RFFL: variants seen among roughly 807,000 people sequenced by gnomAD.
RFFL encodes the protein ring finger and FYVE like domain containing E3 ubiquitin protein ligase.
RFFL carries 16 observed loss-of-function variants against 40.4 expected under a neutral mutation model. The ratio of observed to expected loss-of-function variants is 0.40; its 90% CI spans 0.27 to 0.60. The LOEUF is 0.60. Ranked by LOEUF, RFFL falls within the 20% of genes least tolerant of loss-of-function variation. The pLI is 0.47. For missense variants in RFFL, 367 were observed against 451.7 expected (o/e 0.81, Z 1.70); for synonymous variants, 154 against 167.9 (o/e 0.92, Z 0.64).
chr17:35,011,724 T>G lies in RFFL; in HGVS notation c.*244A>C. 2.0e-6 allele frequency: 1 copy of G among 495,548 alleles called. No homozygotes were observed. Among genetic ancestry groups the G allele is most frequent in the Non-Finnish European group, 3.7e-6 (1 of 273,362 alleles). 30.7% of individuals were successfully genotyped at this position (495,548 alleles called of 1,614,324 possible). A position where few individuals can be genotyped will look rare whatever the true frequency, so the allele number is the denominator to read the frequency against. On this transcript the variant is annotated 3_prime_UTR_variant, in exon 7 of 7. Coordinates refer to ENST00000394597, the MANE Select transcript of RFFL (RefSeq NM_001017368.2). ...ATCAGTTACCATCATCACTCCAAGA[T>G]CACTGAACCAAGAACATACCCATGT...
rs769540674 is a variant in RFFL at position 35,021,588 on chromosome 17, T to A, written c.374A>T (p.Glu125Val). 1.9e-6 allele frequency: 3 copies of A among 1,614,216 alleles called. No individual in the cohort carries two copies. The highest frequency in any genetic ancestry group is 1.7e-6 in the Non-Finnish European group (2 of 1,180,038). The change falls in exon 3 of 7, where the codon GAG becomes GTG. Residue 125 changes from glutamate (E) to valine (V), a missense_variant. Transcript: ENST00000394597. ...LHDISTEMCR[E>V]KEELVLLVLG... ...GACCAAGAGCACCAGCTCTTCTTTC[T>A]CCCGGCACATTTCGGTAGAGATGTC...
In RFFL at chr17:35,014,730, A is replaced by G; in HGVS notation, c.910+10T>C. On this transcript the variant is annotated intron_variant, in intron 6 of 6. Transcript: ENST00000394597. ...CCTAAGCCCATTCCCAAACAGAAACAACTACATACCGTTTTGGTCTTCGGC... is the reference window on the plus strand; with the variant it reads ...CCTAAGCCCATTCCCAAACAGAAACGACTACATACCGTTTTGGTCTTCGGC... 6.2e-7 allele frequency: 1 copy of G among 1,613,118 alleles called. No homozygotes were observed. Among genetic ancestry groups the G allele is most frequent in the South Asian group, 1.1e-5 (1 of 91,074 alleles).
rs979186825 is a variant in RFFL at position 35,086,837 on chromosome 17, T to A, written c.-9+2268A>T. Among the ~76,000 whole-genome samples the A allele has an allele frequency of 2.0e-5, 3 of 152,194 alleles. No homozygotes were observed. In the South Asian group the frequency reaches 6.2e-4, roughly 31 times the overall value. On this transcript the variant is annotated intron_variant, in intron 1 of 6. Coordinates refer to the RFFL transcript ENST00000315249. ...AACCATGGCAGTATTAAAGGTTCTA[T>A]GACAAGAATAAAAAATCAAGGTGGA...
intron 1 of RFFL, among the ~76,000 whole-genome samples, chr17:35,046,848 G>A (rs1359775365): frequency 6.6e-6 from 1 of 152,196 alleles, no homozygotes; most frequent in Non-Finnish European, 1.5e-5. Flanking sequence ...TGGAGTTTAG[G>A]AGAGATGACA....
chr17:35,053,035 C>T (rs1038611892), intron 1 of RFFL, among the ~76,000 whole-genome samples: 1 of 152,098 alleles, frequency 6.6e-6, no homozygotes, highest in African/African-American at 2.4e-5. Flanking sequence ...GCTAGTGATC[C>T]AGAGAGCCAT....
At chr17:35,016,208 A>G (rs976929539) in intron 5 of RFFL, among the ~76,000 whole-genome samples, 162 bp downstream of exon 5, 1 of 152,182 alleles carries the variant, frequency 6.6e-6, no homozygotes, top group Non-Finnish European at 1.5e-5. Context: ...TAGTTTTGAC[A>G]CTCAACCACA....
At chr17:35,036,155 C>T (rs776001702) in intron 1 of RFFL, among the ~76,000 whole-genome samples, 33 of 152,266 alleles carry the variant, frequency 2.2e-4, no homozygotes, top group East Asian at 1.5e-3. Flanking sequence ...TAACTAACAA[C>T]GCTATATAAG....
Position 35,009,259 on chromosome 17 carries a change from T to C in RFFL, c.*2709A>G, listed in dbSNP as rs2090919055. 1 of 152,740 alleles carries C rather than the reference T, an allele frequency of 6.5e-6. No homozygotes were observed. The highest frequency in any genetic ancestry group is 6.5e-5 in the Admixed American group (1 of 15,304). The allele number at this position is 152,740 out of a possible 1,614,324, so 9.5% of individuals were successfully genotyped here. A position where few individuals can be genotyped will look rare whatever the true frequency, so the allele number is the denominator to read the frequency against. ...AGTAACAATTCACATCCAAGAGATT[T>C]CCACAAATTTATACAATGTATATTG... is the stretch of plus-strand genomic sequence containing the variant. On this transcript the variant is annotated 3_prime_UTR_variant, in exon 7 of 7. Transcript: ENST00000394597.
intron 1 of RFFL, among the ~76,000 whole-genome samples, chr17:35,050,020 T>G (rs1176590002): frequency 6.6e-6 from 1 of 150,414 alleles, no homozygotes; most frequent in Non-Finnish European, 1.5e-5. Flanking sequence ...AGGCAGAGGT[T>G]GCAGAGAGCT....
At chr17:35,036,228 A>C (rs1056118105) in intron 1 of RFFL, 1 of 152,196 alleles carries the variant, frequency 6.6e-6, no homozygotes, top group Non-Finnish European at 1.5e-5. Context: ...ATATACATAC[A>C]TGGCATTTGA....
chr17:35,026,310 C>T, intron 2 of RFFL, 64 bp downstream of exon 2: 1 of 1,517,368 alleles, frequency 6.6e-7, no homozygotes, highest in East Asian at 2.3e-5. Flanking sequence ...TCAGAGGGGT[C>T]AGTGGCGCTT....
chr17:35,039,642 T>G (rs2091149736), intron 1 of RFFL, among the ~76,000 whole-genome samples: 1 of 151,900 alleles, frequency 6.6e-6, no homozygotes, highest in South Asian at 2.1e-4. Context: ...TCTTTTTCTG[T>G]GATCTCCTCT....
At chr17:35,022,939 G>C (rs746126605) in intron 2 of RFFL, among the ~76,000 whole-genome samples, 1 of 152,194 alleles carries the variant, frequency 6.6e-6, no homozygotes, top group African/African-American at 2.4e-5. Flanking sequence ...TCTGGCAGTC[G>C]CTGACAACAC....
intron 1 of RFFL, among the ~76,000 whole-genome samples, chr17:35,042,823 CAAAAAAAAAAAA>C (rs11296826): frequency 8.3e-5 from 5 of 60,476 alleles, no homozygotes; most frequent in East Asian, 5.1e-4. Context: ...GACTCCATCT[CAAAAAAAAAAAA>C]AAAAAAAAAG....
At chr17:35,065,468 A>G (rs2091315648), upstream of RFFL, among the ~76,000 whole-genome samples, 1 of 151,736 alleles carries the variant, frequency 6.6e-6, no homozygotes, top group South Asian at 2.1e-4. Flanking sequence ...AGGCAGGAGA[A>G]TCGCTTGAAC....
chr17:35,037,671 T>C (rs2091132288), intron 1 of RFFL, among the ~76,000 whole-genome samples: 1 of 152,208 alleles, frequency 6.6e-6, no homozygotes, highest in Non-Finnish European at 1.5e-5. Flanking sequence ...GTTAAGTAAC[T>C]TGTTAAAGGT....
At chr17:35,075,732 T>C (rs2091372182) in intron 1 of RFFL, among the ~76,000 whole-genome samples, 2 of 152,194 alleles carry the variant, frequency 1.3e-5, no homozygotes, top group African/African-American at 4.8e-5. Context: ...ACACTAATTT[T>C]GACATTATAA....
intron 1 of RFFL, among the ~76,000 whole-genome samples, chr17:35,035,312 G>C (rs1293399093): frequency 6.6e-6 from 1 of 151,930 alleles, no homozygotes; most frequent in Admixed American, 6.6e-5. Context: ...AGGAGGCTGA[G>C]GCAGGAGAAT....
chr17:35,040,354 C>A (rs940644534), intron 1 of RFFL, among the ~76,000 whole-genome samples: 1 of 146,486 alleles, frequency 6.8e-6, no homozygotes, highest in African/African-American at 2.4e-5. Context: ...GTAATCCCAG[C>A]ACTTTGGGAG....
Sources: gnomAD v4.1 joint callset for allele counts (sites outside exome capture counted in the v4.1 genomes callset) on GRCh38, gnomAD v4.1.1 for gene constraint, MANE v1.5 for transcripts, NCBI Gene and HGNC (gene_info 2026-07-23, HGNC 2026-07-21) for gene names.